NDUFA12: variants seen among roughly 807,000 people sequenced by gnomAD.
NDUFA12 encodes the protein NADH dehydrogenase [ubiquinone] 1 alpha subcomplex subunit 12.
NDUFA12 carries 17 observed loss-of-function variants against 20.3 expected under a neutral mutation model. The observed-to-expected ratio is 0.84, with a 90% confidence interval of 0.57 to 1.26. NDUFA12 has a LOEUF of 1.26. NDUFA12 is among the 50% of genes most tolerant of loss of function. The pLI, the probability that NDUFA12 is intolerant of heterozygous loss-of-function variation, is 0.00. For missense variants in NDUFA12, 191 were observed against 183.7 expected (o/e 1.04, Z -0.23); for synonymous variants, 72 against 63.6 (o/e 1.13, Z -0.63).
At chr12:94,991,600 A>C (rs1175587573) in intron 3 of NDUFA12, among the ~76,000 whole-genome samples, 1 of 151,410 alleles carries the variant, frequency 6.6e-6, no homozygotes, top group African/African-American at 2.4e-5. Flanking sequence ...GGTGGCAGGC[A>C]CCTGTAGTCC....
intron 2 of NDUFA12, 104 bp from the exon 3 acceptor site, chr12:94,994,361 G>A: frequency 1.2e-6 from 1 of 843,928 alleles, no homozygotes; most frequent in Admixed American, 2.3e-5. Context: ...GACTTTTTGT[G>A]ATCTTATATA....
intron 2 of NDUFA12, among the ~76,000 whole-genome samples, chr12:95,000,979 T>C (rs1470156519): frequency 6.6e-6 from 1 of 152,226 alleles, no homozygotes; most frequent in Non-Finnish European, 1.5e-5. Context: ...AAATGTTTAA[T>C]TCATCAGTAT....
intron 2 of NDUFA12, among the ~76,000 whole-genome samples, chr12:94,999,328 T>A (rs1874942490): frequency 6.6e-6 from 1 of 152,164 alleles, no homozygotes; most frequent in Admixed American, 6.5e-5. Flanking sequence ...TATACAAAAA[T>A]CAACTCAAGA....
intron 3 of NDUFA12, chr12:94,972,587 G>A: frequency 2.7e-6 from 1 of 372,718 alleles, no homozygotes; most frequent in South Asian, 1.9e-5. Flanking sequence ...ATCAGGGCCA[G>A]GCACAGTGGC....
chr12:94,996,871 A>C (rs1281967027), intron 2 of NDUFA12: 1 of 286,338 alleles, frequency 3.5e-6, no homozygotes. Context: ...TATAGTTTGT[A>C]ACAATACAGT....
Position 94,984,736 on chromosome 12 carries a change from A to AAAAAAAC in NDUFA12, c.257+9433_257+9434insGTTTTTT, listed in dbSNP as rs36013656. 1.9e-4 allele frequency among the ~76,000 whole-genome samples: 14 copies of AAAAAAAC among 74,162 alleles called. 1 individual carries two copies. The highest frequency in any genetic ancestry group is 3.3e-4 in the African/African-American group (6 of 18,340). 48.7% of individuals were successfully genotyped at this position (74,162 alleles called of 152,430 possible). ...AGCCAAAAAAAAAAAACAACAAAAA[A>AAAAAAAC]CCCATATATATATAATATATATATA... On this transcript the variant is annotated intron_variant, in intron 3 of 3. Coordinates refer to ENST00000327772, the MANE Select transcript of NDUFA12 (RefSeq NM_018838.5).
intron 3 of NDUFA12, among the ~76,000 whole-genome samples, chr12:94,974,296 A>G (rs1873991505): frequency 6.6e-6 from 1 of 152,016 alleles, no homozygotes; most frequent in African/African-American, 2.4e-5. Context: ...CTACAATGAG[A>G]TATTATCTCA....
intron 3 of NDUFA12, among the ~76,000 whole-genome samples, chr12:94,974,007 T>C (rs1366225215): frequency 2.0e-5 from 3 of 146,866 alleles, no homozygotes; most frequent in Non-Finnish European, 4.5e-5. Context: ...AGTCTTGCTC[T>C]GTGGCGCAGG....
chr12:94,972,216 C>T (rs1873912267), intron 3 of NDUFA12, among the ~76,000 whole-genome samples: 1 of 152,172 alleles, frequency 6.6e-6, no homozygotes, highest in African/African-American at 2.4e-5. Context: ...GCATGAGCCA[C>T]CATGCCCGGC....
chr12:94,994,703 A>T (rs1874759845), intron 2 of NDUFA12, among the ~76,000 whole-genome samples: 1 of 152,220 alleles, frequency 6.6e-6, no homozygotes. Flanking sequence ...ACCACCCTAG[A>T]TCCTTTTGGA....
chr12:95,003,548 G>A, intron 1 of NDUFA12, 47 bp downstream of exon 1: 1 of 1,590,874 alleles, frequency 6.3e-7, no homozygotes. Flanking sequence ...AAATCAGCCA[G>A]CGAAAGTCCA....
At chr12:94,990,324 A>C (rs1413488627) in intron 3 of NDUFA12, among the ~76,000 whole-genome samples, 1 of 152,076 alleles carries the variant, frequency 6.6e-6, no homozygotes, top group Non-Finnish European at 1.5e-5. Flanking sequence ...ACGGAACCAC[A>C]GGTTGTTATT....
At chr12:94,987,175 A>G (rs1280646662) in intron 3 of NDUFA12, among the ~76,000 whole-genome samples, 1 of 152,170 alleles carries the variant, frequency 6.6e-6, no homozygotes, top group African/African-American at 2.4e-5. Context: ...CAAGAAAAAC[A>G]TGGCTTCAGT....
chr12:95,001,313 C>G (rs1379687812), intron 2 of NDUFA12, among the ~76,000 whole-genome samples: 1 of 151,096 alleles, frequency 6.6e-6, no homozygotes, highest in Non-Finnish European at 1.5e-5. Context: ...AAAATAACAA[C>G]AACAAAAACA....
intron 1 of NDUFA12, 39 bp from the exon 2 acceptor site, chr12:95,002,860 T>G (rs767280178): frequency 1.3e-6 from 2 of 1,538,582 alleles, no homozygotes; most frequent in African/African-American, 2.7e-5. Context: ...TTTAGAATGA[T>G]TCTTAGTTCA....
intron 3 of NDUFA12, among the ~76,000 whole-genome samples, chr12:94,982,275 C>CTTTTT (rs201781364): frequency 7.4e-6 from 1 of 135,662 alleles, no homozygotes; most frequent in Non-Finnish European, 1.6e-5. Context: ...TTTTTCTTTT[C>CTTTTT]TTTTTTTTTT....
At chr12:94,976,778 A>T (rs1439063751) in intron 3 of NDUFA12, among the ~76,000 whole-genome samples, 1 of 152,192 alleles carries the variant, frequency 6.6e-6, no homozygotes, top group Non-Finnish European at 1.5e-5. Context: ...TTATTTTTTG[A>T]ATTTTCTATA....
chr12:95,001,141 T>C (rs1329597954), intron 2 of NDUFA12, among the ~76,000 whole-genome samples: 1 of 150,950 alleles, frequency 6.6e-6, no homozygotes, highest in East Asian at 2.0e-4. Flanking sequence ...CCCATCTCTT[T>C]AAAAAAATTA....
chr12:94,993,623 TCA>T (rs1491412242), intron 3 of NDUFA12, among the ~76,000 whole-genome samples: 6 of 14,406 alleles, frequency 4.2e-4, no homozygotes, highest in Admixed American at 1.4e-3. Flanking sequence ...AGACTCTGTC[TCA>T]AAAAAAAAAA....
Sources: allele counts gnomAD v4.1 joint callset (sites outside exome capture counted in the v4.1 genomes callset), GRCh38; gene constraint gnomAD v4.1.1; transcripts MANE v1.5; gene names NCBI Gene and HGNC (gene_info 2026-07-23, HGNC 2026-07-21).